Variants in NREP observed in about 807,000 individuals in gnomAD.
The protein encoded by NREP is neuronal regeneration-related protein.
In NREP, 5 loss-of-function variants were observed where a neutral mutation model predicts 8.6. That is an observed-to-expected ratio of 0.58 (90% CI 0.30 to 1.22). The LOEUF is 1.22. NREP is among the 50% of genes most tolerant of loss of function. The pLI is 0.07. For synonymous variants in NREP, 27 were observed against 28.0 expected, an observed-to-expected ratio of 0.96 and a Z score of 0.11; for missense variants, 86 against 82.5, an observed-to-expected ratio of 1.04 and a Z score of -0.17.
At chr5:111,795,580 C>T (rs1751855412) in intron 2 of NREP, among the ~76,000 whole-genome samples, 1 of 152,106 alleles carries the variant, frequency 6.6e-6, no homozygotes, top group Admixed American at 6.6e-5. Flanking sequence ...AGATAAATTC[C>T]TTTTACTATT....
In NREP at chr5:111,875,972, G is replaced by A. The variant is rs751320123; in HGVS notation, c.135+99302C>T. Among the ~76,000 whole-genome samples the A allele has an allele frequency of 6.6e-5, 10 of 152,340 alleles. No individual in the cohort carries two copies. The East Asian group carries it at 7.7e-4, about 12-fold the overall frequency. On this transcript the variant is annotated intron_variant, in intron 2 of 3. Transcript: ENST00000395634. The stretch of plus-strand genomic sequence containing the variant: ...ATACATGAGCTGGTGGGGAGGCGGT[G>A]TCTGATCTACATAGAGCACAAATAA...
At chr5:111,852,396 C>T (rs549658531) in intron 2 of NREP, among the ~76,000 whole-genome samples, 9 of 152,232 alleles carry the variant, frequency 5.9e-5, no homozygotes, top group Admixed American at 2.0e-4. Context: ...CACACTCTGA[C>T]GAGGGGCGCA....
intron 2 of NREP, among the ~76,000 whole-genome samples, chr5:111,950,943 T>G (rs148627715): frequency 6.6e-6 from 1 of 152,184 alleles, no homozygotes; most frequent in African/African-American, 2.4e-5. Flanking sequence ...AAAGTGCAAT[T>G]GACGTCTCCT....
chr5:111,799,013 A>C (rs1751939946), intron 2 of NREP, among the ~76,000 whole-genome samples: 1 of 152,132 alleles, frequency 6.6e-6, no homozygotes, highest in African/African-American at 2.4e-5. Context: ...TATTTTCCAT[A>C]GTTGTTGTAC....
chr5:111,896,116 TGGCAGG>T (rs1005648316), intron 2 of NREP, among the ~76,000 whole-genome samples: 4 of 152,172 alleles, frequency 2.6e-5, no homozygotes, highest in East Asian at 1.9e-4. Context: ...ATAGATTTCA[TGGCAGG>T]GGCAGGGGCA....
At chr5:111,767,880 G>T (rs1349681157) in intron 2 of NREP, among the ~76,000 whole-genome samples, 2 of 151,956 alleles carry the variant, frequency 1.3e-5, no homozygotes, top group Non-Finnish European at 2.9e-5. Context: ...CTCTGGGCTG[G>T]TCTCAAACTC....
chr5:111,817,850 G>C (rs148061615), intron 2 of NREP, among the ~76,000 whole-genome samples: 7 of 146,950 alleles, frequency 4.8e-5, no homozygotes, highest in African/African-American at 1.5e-4. Context: ...TGATATATGT[G>C]TATGTATACA....
chr5:111,956,789 A>G (rs1756333285), intron 2 of NREP, among the ~76,000 whole-genome samples: 1 of 151,660 alleles, frequency 6.6e-6, no homozygotes. Flanking sequence ...TGTGGCGAAA[A>G]CCCATCTCTA....
At chr5:111,839,450 G>C (rs967296854) in intron 2 of NREP, among the ~76,000 whole-genome samples, 2 of 152,050 alleles carry the variant, frequency 1.3e-5, no homozygotes, top group African/African-American at 2.4e-5. Flanking sequence ...CTATTAAATG[G>C]ATATTTTGGC....
At chr5:111,963,168 C>T (rs1284061875) in intron 2 of NREP, among the ~76,000 whole-genome samples, 1 of 152,242 alleles carries the variant, frequency 6.6e-6, no homozygotes, top group Non-Finnish European at 1.5e-5. Context: ...GGGTCACAGG[C>T]ACCCCCAGCT....
intron 2 of NREP, among the ~76,000 whole-genome samples, chr5:111,838,593 A>G (rs75529768): frequency 0.048 from 7,264 of 152,100 alleles, 604 homozygotes; most frequent in African/African-American, 0.17. Flanking sequence ...TTCTGCTTCA[A>G]ATCTATAGCA....
chr5:111,770,158 A>C (rs1322625162), intron 2 of NREP, among the ~76,000 whole-genome samples: 1 of 152,128 alleles, frequency 6.6e-6, no homozygotes, highest in Non-Finnish European at 1.5e-5. Context: ...TTATCACCAG[A>C]CTTCAGGAAT....
chr5:111,861,639 C>T (rs557032154), intron 2 of NREP, among the ~76,000 whole-genome samples: 113 of 152,082 alleles, frequency 7.4e-4, no homozygotes, highest in Admixed American at 8.5e-4. Flanking sequence ...TGCTGTATTG[C>T]TATAGAGAAT....
chr5:111,901,151 T>C (rs1300768722), intron 2 of NREP, among the ~76,000 whole-genome samples: 1 of 152,176 alleles, frequency 6.6e-6, no homozygotes, highest in East Asian at 1.9e-4. Context: ...AAGATGATTA[T>C]GAAGTTTTGT....
Position 111,917,187 on chromosome 5 carries a change from T to C in NREP, c.135+58087A>G, listed in dbSNP as rs921891515. 5.3e-5 allele frequency among the ~76,000 whole-genome samples: 8 copies of C among 152,048 alleles called. No individual in the cohort carries two copies. In the East Asian group the frequency reaches 7.7e-4, roughly 15 times the overall value. On this transcript the variant is annotated intron_variant, in intron 2 of 3. Transcript: ENST00000395634. ...TTTAAGAAGTCATATGCTAGACCAA[T>C]AACATGTTCTGAAATTGAGGCAGTA...
chr5:111,921,394 A>G (rs1048018876), intron 2 of NREP, among the ~76,000 whole-genome samples: 2 of 152,040 alleles, frequency 1.3e-5, no homozygotes, highest in Non-Finnish European at 2.9e-5. Context: ...TGACTCTGAC[A>G]GTTGTCATAT....
chr5:111,758,293 A>G (rs2112859640), upstream of NREP: 1 of 979,830 alleles, frequency 1.0e-6, no homozygotes, highest in African/African-American at 1.7e-5. Context: ...GGCCCAAGAC[A>G]TACTCCCCTG....
intron 2 of NREP, among the ~76,000 whole-genome samples, chr5:111,788,453 G>A (rs1427236845): frequency 1.3e-5 from 2 of 152,158 alleles, no homozygotes; most frequent in Non-Finnish European, 2.9e-5. Flanking sequence ...ACTGTGTGAT[G>A]TAGAAACAAA....
At chr5:111,755,128 T>G (rs1581086753) in intron 2 of NREP, among the ~76,000 whole-genome samples, 1 of 152,220 alleles carries the variant, frequency 6.6e-6, no homozygotes. Flanking sequence ...TAATCAGTAA[T>G]CAAACATTAA....
Sources: allele counts gnomAD v4.1 joint callset (sites outside exome capture counted in the v4.1 genomes callset), GRCh38; gene constraint gnomAD v4.1.1; transcripts MANE v1.5; gene names NCBI Gene and HGNC (gene_info 2026-07-23, HGNC 2026-07-21).